Variants in EXOC6B observed in about 807,000 individuals in gnomAD.
EXOC6B encodes the protein exocyst complex component 6B.
Under a neutral mutation model 113.5 loss-of-function variants are expected in EXOC6B, and 54 were observed. The ratio of observed to expected loss-of-function variants is 0.48; its 90% CI spans 0.38 to 0.60. The LOEUF (loss-of-function observed/expected upper bound fraction) is 0.60, where lower values mean the gene tolerates loss of function less well. Ranked by LOEUF, EXOC6B falls within the 20% of genes least tolerant of loss-of-function variation. The probability of loss-of-function intolerance (pLI) is 0.00; values close to 1 mark genes in which losing one functional copy is unlikely to be tolerated. For synonymous variants in EXOC6B, 357 were observed against 339.0 expected, an observed-to-expected ratio of 1.05 and a Z score of -0.58; for missense variants, 797 against 977.5, an observed-to-expected ratio of 0.82 and a Z score of 2.46.
intron 8 of EXOC6B, chr2:72,515,754 T>C (rs536195055): frequency 1.0e-5 from 10 of 984,908 alleles, no homozygotes; most frequent in Non-Finnish European, 1.2e-5. Flanking sequence ...CTGGGTTGAA[T>C]AGTGGTTTCT....
chr2:72,224,994 G>GTGTGTGTGTGTATA, intron 20 of EXOC6B, among the ~76,000 whole-genome samples: 1 of 137,254 alleles, frequency 7.3e-6, no homozygotes, highest in Non-Finnish European at 1.6e-5. Context: ...GTGTGTGTGT[G>GTGTGTGTGTGTATA]TATATATATA....
chr2:72,730,976 TA>T, intron 5 of EXOC6B, 30 bp downstream of exon 5: 1 of 1,485,298 alleles, frequency 6.7e-7, no homozygotes, highest in Non-Finnish European at 9.0e-7. Context: ...TTTTAGATAG[TA>T]AAAACTGTTC....
chr2:72,243,566 G>A (rs1186682233), intron 20 of EXOC6B, among the ~76,000 whole-genome samples: 2 of 152,098 alleles, frequency 1.3e-5, no homozygotes, highest in Non-Finnish European at 2.9e-5. Context: ...ACACAGGGTG[G>A]GGAACATCAC....
chr2:72,325,293 A>T (rs1055255811), intron 20 of EXOC6B, among the ~76,000 whole-genome samples: 3 of 152,116 alleles, frequency 2.0e-5, no homozygotes, highest in African/African-American at 7.2e-5. Context: ...AGCAGCTATT[A>T]ATATTTAAGA....
At chr2:72,291,872 T>C (rs916454828) in intron 20 of EXOC6B, among the ~76,000 whole-genome samples, 4 of 152,134 alleles carry the variant, frequency 2.6e-5, no homozygotes, top group Non-Finnish European at 5.9e-5. Context: ...AAAGAAAAAG[T>C]TAAAACGCTT....
intron 18 of EXOC6B, among the ~76,000 whole-genome samples, chr2:72,422,623 T>C (rs559444048): frequency 5.3e-5 from 8 of 152,110 alleles, no homozygotes; most frequent in Non-Finnish European, 7.4e-5. Context: ...AGTTTGTGAG[T>C]GCACCAATCG....
rs750953342 is a variant in EXOC6B, at chr2:72,176,115, C to A, written c.*3220G>T. ...CCATGCGGCCCATCTGTATCAGTAGCTTTACAAGTAAGTTTTAGAGAAAAA... is the reference window on the plus strand; with the variant it reads ...CCATGCGGCCCATCTGTATCAGTAGATTTACAAGTAAGTTTTAGAGAAAAA... On this transcript the variant is annotated 3_prime_UTR_variant, in exon 22 of 22. Coordinates refer to ENST00000272427, the MANE Select transcript of EXOC6B (RefSeq NM_015189.3). The A allele has an allele frequency of 1.3e-5, 2 of 152,148 alleles. No individual in the cohort carries two copies. The highest frequency in any genetic ancestry group is 2.9e-5 in the Non-Finnish European group (2 of 68,032). 9.4% of individuals were successfully genotyped at this position (152,148 alleles called of 1,614,324 possible). A position where few individuals can be genotyped will look rare whatever the true frequency, so the allele number is the denominator to read the frequency against.
intron 6 of EXOC6B, among the ~76,000 whole-genome samples, chr2:72,605,691 C>T (rs965418365): frequency 6.6e-6 from 1 of 152,196 alleles, no homozygotes; most frequent in Non-Finnish European, 1.5e-5. Flanking sequence ...AGGACTGCGT[C>T]ATTAACTAAT....
intron 6 of EXOC6B, among the ~76,000 whole-genome samples, chr2:72,579,715 TAAA>T (rs1183949717): frequency 1.3e-5 from 2 of 152,098 alleles, no homozygotes; most frequent in African/African-American, 4.8e-5. Flanking sequence ...CTCAGAGAGT[TAAA>T]AATAATAAGA....
chr2:72,704,747 G>C (rs367697511), intron 6 of EXOC6B, among the ~76,000 whole-genome samples: 2 of 149,506 alleles, frequency 1.3e-5, no homozygotes, highest in East Asian at 2.0e-4. Context: ...ATAAATTCCT[G>C]GACACATACA....
intron 18 of EXOC6B, among the ~76,000 whole-genome samples, chr2:72,418,972 T>C (rs1194262077): frequency 6.6e-6 from 1 of 152,200 alleles, no homozygotes; most frequent in Non-Finnish European, 1.5e-5. Context: ...ATTTCTTCTT[T>C]TGTGTATCGA....
intron 20 of EXOC6B, among the ~76,000 whole-genome samples, chr2:72,218,602 T>C (rs2104415867): frequency 6.6e-6 from 1 of 152,316 alleles, no homozygotes; most frequent in African/African-American, 2.4e-5. Flanking sequence ...CATTTATCCC[T>C]CATTGCTTGC....
chr2:72,556,899 T>G (rs558490646), intron 8 of EXOC6B, among the ~76,000 whole-genome samples: 6 of 152,080 alleles, frequency 3.9e-5, no homozygotes, highest in African/African-American at 1.4e-4. Context: ...TTAAACATTC[T>G]AAACTGTCAG....
chr2:72,701,428 G>A (rs1455091897), intron 6 of EXOC6B, among the ~76,000 whole-genome samples: 1 of 150,364 alleles, frequency 6.7e-6, no homozygotes, highest in East Asian at 1.9e-4. Context: ...TATCAAAGTT[G>A]AATATAATAG....
At chr2:72,462,261 G>A (rs1697733758) in intron 18 of EXOC6B, 1 of 151,834 alleles carries the variant, frequency 6.6e-6, no homozygotes, top group African/African-American at 2.4e-5. Flanking sequence ...TTTTCTATGT[G>A]GGCATTGCTA....
intron 18 of EXOC6B, among the ~76,000 whole-genome samples, chr2:72,421,099 G>A (rs1050888099): frequency 2.0e-5 from 3 of 151,806 alleles, no homozygotes; most frequent in African/African-American, 7.2e-5. Flanking sequence ...TTTTTTTCTT[G>A]TAAATTTGTT....
At chr2:72,272,842 T>C (rs1220990976) in intron 20 of EXOC6B, among the ~76,000 whole-genome samples, 1 of 152,176 alleles carries the variant, frequency 6.6e-6, no homozygotes, top group Non-Finnish European at 1.5e-5. Context: ...TAGATTAGAA[T>C]GATTAAAAGT....
intron 6 of EXOC6B, among the ~76,000 whole-genome samples, chr2:72,715,221 G>A (rs761105239): frequency 2.0e-5 from 3 of 151,864 alleles, no homozygotes; most frequent in Admixed American, 1.3e-4. Flanking sequence ...GTGAGACTCC[G>A]TCTAAAAAAA....
At chr2:72,578,745 A>G (rs1385727407) in intron 6 of EXOC6B, among the ~76,000 whole-genome samples, 1 of 152,206 alleles carries the variant, frequency 6.6e-6, no homozygotes, top group Non-Finnish European at 1.5e-5. Flanking sequence ...AATATGATAA[A>G]AAATAAATAT....
Sources: allele counts gnomAD v4.1 joint callset (sites outside exome capture counted in the v4.1 genomes callset), GRCh38; gene constraint gnomAD v4.1.1; transcripts MANE v1.5; gene names NCBI Gene and HGNC (gene_info 2026-07-23, HGNC 2026-07-21).